The following AGBL1 variants were observed in gnomAD, a reference collection of about 807,000 sequenced individuals.
AGBL1 encodes AGBL carboxypeptidase 1.
AGBL1 carries 130 observed loss-of-function variants against 118.9 expected under a neutral mutation model. The ratio of observed to expected loss-of-function variants is 1.09; its 90% CI spans 0.95 to 1.26. AGBL1 has a LOEUF of 1.26. Ranked by LOEUF, AGBL1 falls within the 50% of genes most tolerant of loss-of-function variation. The pLI is 0.00. For synonymous variants in AGBL1, 555 were observed against 478.9 expected, an observed-to-expected ratio of 1.16 and a Z score of -2.08; for missense variants, 1,584 against 1,298.1, an observed-to-expected ratio of 1.22 and a Z score of -3.38.
chr15:86,940,793 T>G (rs2080741494), intron 23 of AGBL1, among the ~76,000 whole-genome samples: 1 of 152,200 alleles, frequency 6.6e-6, no homozygotes, highest in Non-Finnish European at 1.5e-5. Context: ...TGAAGTAACT[T>G]GATGTTAGCC....
At chr15:86,236,694 C>T (rs2078548807) in intron 6 of AGBL1, among the ~76,000 whole-genome samples, 1 of 151,762 alleles carries the variant, frequency 6.6e-6, no homozygotes, top group East Asian at 1.9e-4. Context: ...AAGGAAGAAG[C>T]CTCCCCATAC....
chr15:86,392,206 T>A (rs1468317497), intron 17 of AGBL1, among the ~76,000 whole-genome samples: 1 of 151,982 alleles, frequency 6.6e-6, no homozygotes, highest in Non-Finnish European at 1.5e-5. Flanking sequence ...TGTCGTCTAT[T>A]TTTTTTTCAC....
At chr15:86,709,831 TC>T (rs1239100765) in intron 22 of AGBL1, among the ~76,000 whole-genome samples, 1 of 152,194 alleles carries the variant, frequency 6.6e-6, no homozygotes, top group Non-Finnish European at 1.5e-5. Flanking sequence ...ATTTAAAGTT[TC>T]TATCATAGAG....
At chr15:86,419,507 G>C (rs199579619) in intron 18 of AGBL1, among the ~76,000 whole-genome samples, 2 of 152,124 alleles carry the variant, frequency 1.3e-5, no homozygotes, top group East Asian at 3.9e-4. Context: ...CCAAGGCCCT[G>C]GGTTTCAAGC....
In AGBL1 at chr15:86,902,363, T is replaced by G. The variant is rs145237625; in HGVS notation, c.3159-4724T>G. ...ATTTGCATTTCCCTCACAGTTAGTG[T>G]TGTTGAACATCTTAAATATTTATAT... On this transcript the variant is annotated intron_variant, in intron 22 of 22. Transcript: ENST00000614907. Among the ~76,000 whole-genome samples, 28 of 152,242 alleles carry G rather than the reference T, an allele frequency of 1.8e-4. No homozygotes were observed. In the East Asian group the frequency reaches 5.2e-3, roughly 28 times the overall value.
Position 86,988,013 on chromosome 15 carries a change from A to G in AGBL1, c.3248A>G (p.Lys1083Arg), listed in dbSNP as rs368890317. The G allele has an allele frequency of 2.5e-6, 4 of 1,613,612 alleles. No homozygotes were observed. In the African/African-American group the frequency reaches 4.0e-5, roughly 16 times the overall value. ...TTAAAATCATCCAATTTCCTGCCAA[A>G]GCATATTTGGTTTGCTTACCACTTT... Residue 1083 changes from lysine to arginine, a missense_variant, in exon 24 of 25, where the codon AAG becomes AGG. By Grantham distance (26) the Lys-to-Arg change is conservative. Transcript: ENST00000441037.
chr15:86,433,276 T>C (rs1280385835), intron 18 of AGBL1, among the ~76,000 whole-genome samples: 1,656 of 97,992 alleles, frequency 0.017, 11 homozygotes, highest in African/African-American at 0.031. Flanking sequence ...CTTTTTTTTT[T>C]TTTTTTTTTT....
chr15:86,677,997 T>A (rs1245026477), intron 22 of AGBL1, among the ~76,000 whole-genome samples: 1 of 152,184 alleles, frequency 6.6e-6, no homozygotes, highest in African/African-American at 2.4e-5. Flanking sequence ...CTTAATTTAT[T>A]GTTTTAAATT....
rs574565906 is a variant in AGBL1, at chr15:86,697,062, T to G, written c.3158+22626T>G. Reference sequence around the variant, plus strand: ...CTTCATCTTGCCTTAGATAACCTGATGACTATGTGCCTAGGTATTGAAGTT... The same window carrying G: ...CTTCATCTTGCCTTAGATAACCTGAGGACTATGTGCCTAGGTATTGAAGTT... On this transcript the variant is annotated intron_variant, in intron 22 of 22. Transcript: ENST00000614907. 2.0e-5 allele frequency among the ~76,000 whole-genome samples: 3 copies of G among 152,106 alleles called. No individual in the cohort carries two copies. The East Asian group carries it at 5.8e-4, about 29-fold the overall frequency.
At chr15:86,983,271 A>G (rs1388740511) in intron 23 of AGBL1, among the ~76,000 whole-genome samples, 1 of 152,122 alleles carries the variant, frequency 6.6e-6, no homozygotes, top group East Asian at 1.9e-4. Flanking sequence ...ATCTTCTATT[A>G]TAATCAGTAT....
chr15:86,712,070 C>T (rs907415642), intron 22 of AGBL1, among the ~76,000 whole-genome samples: 2 of 152,116 alleles, frequency 1.3e-5, no homozygotes, highest in African/African-American at 4.8e-5. Context: ...CAAATTCACC[C>T]CTGCCCTCCA....
At chr15:86,092,542 CAA>C (rs949040816) in intron 1 of AGBL1, among the ~76,000 whole-genome samples, 1 of 152,030 alleles carries the variant, frequency 6.6e-6, no homozygotes, top group Non-Finnish European at 1.5e-5. Context: ...GGATTGAAGT[CAA>C]GAGAGGTGAG....
chr15:86,171,894 C>G (rs57284575), intron 5 of AGBL1, among the ~76,000 whole-genome samples: 73 of 152,264 alleles, frequency 4.8e-4, no homozygotes, highest in African/African-American at 1.7e-3. Flanking sequence ...TTCACAACAA[C>G]CTAGATGAAA....
intron 3 of AGBL1, among the ~76,000 whole-genome samples, chr15:86,153,093 G>A (rs1376279904): frequency 6.6e-6 from 1 of 152,230 alleles, no homozygotes; most frequent in Non-Finnish European, 1.5e-5. Flanking sequence ...CATTGTGGAA[G>A]ACAGTGTGGT....
intron 22 of AGBL1, among the ~76,000 whole-genome samples, chr15:86,829,635 G>T (rs181829630): frequency 1.3e-5 from 2 of 152,186 alleles, no homozygotes; most frequent in African/African-American, 4.8e-5. Context: ...ACAGGCTTCT[G>T]GGCTTTGAGG....
intron 18 of AGBL1, among the ~76,000 whole-genome samples, chr15:86,416,496 C>T (rs2081697207): frequency 6.6e-6 from 1 of 152,124 alleles, no homozygotes; most frequent in South Asian, 2.1e-4. Context: ...TGTGGAAACT[C>T]AGCCAGCAAG....
intron 5 of AGBL1, among the ~76,000 whole-genome samples, chr15:86,194,255 T>A (rs1239756148): frequency 6.6e-6 from 1 of 152,206 alleles, no homozygotes; most frequent in Non-Finnish European, 1.5e-5. Context: ...ATATCAATTA[T>A]TCCACTCCCT....
At chr15:86,447,952 A>C (rs144232134) in intron 18 of AGBL1, among the ~76,000 whole-genome samples, 1 of 152,056 alleles carries the variant, frequency 6.6e-6, no homozygotes, top group South Asian at 2.1e-4. Context: ...TGAGATCGAC[A>C]TGGGCAACAT....
intron 22 of AGBL1, among the ~76,000 whole-genome samples, chr15:86,902,175 T>C (rs1358893708): frequency 1.3e-5 from 2 of 152,186 alleles, no homozygotes; most frequent in African/African-American, 4.8e-5. Context: ...GCTTTGAGTT[T>C]CTAAAGAAAC....
Sources: allele counts gnomAD v4.1 joint callset (sites outside exome capture counted in the v4.1 genomes callset), GRCh38; gene constraint gnomAD v4.1.1; transcripts MANE v1.5; gene names NCBI Gene and HGNC (gene_info 2026-07-23, HGNC 2026-07-21).